SCEL: variants seen among roughly 807,000 people sequenced by gnomAD.
SCEL encodes sciellin.
Under a neutral mutation model 117.6 loss-of-function variants are expected in SCEL, and 113 were observed. The ratio of observed to expected loss-of-function variants is 0.96; its 90% CI spans 0.83 to 1.12. The LOEUF (loss-of-function observed/expected upper bound fraction) is 1.12, where lower values mean the gene tolerates loss of function less well. Among genes scored for constraint, SCEL ranks in the 50% most tolerant of loss-of-function variants. The pLI is 0.00. For synonymous variants in SCEL, 270 were observed against 256.2 expected (o/e 1.05, Z -0.51); for missense variants, 785 against 810.8 (o/e 0.97, Z 0.39).
At chr13:77,628,806 G>C (rs773644196) in intron 28 of SCEL, among the ~76,000 whole-genome samples, 1 of 152,090 alleles carries the variant, frequency 6.6e-6, no homozygotes, top group African/African-American at 2.4e-5. Context: ...GTCTCTAAAA[G>C]GTTCCTGAAT....
intron 8 of SCEL, 114 bp downstream of exon 8, chr13:77,569,565 C>A: frequency 1.5e-6 from 1 of 686,982 alleles, no homozygotes; most frequent in South Asian, 2.0e-5. Flanking sequence ...TGTTCCCAAA[C>A]TTCAGCTCTT....
chr13:77,634,270 C>A, intron 28 of SCEL, 109 bp from the exon 29 acceptor site: 2 of 929,926 alleles, frequency 2.2e-6, no homozygotes, highest in South Asian at 1.5e-5. Context: ...AGTTATAGTT[C>A]AGAAGGAACA....
intron 4 of SCEL, among the ~76,000 whole-genome samples, chr13:77,561,555 ATGTCT>A (rs1366050085): frequency 1.3e-5 from 2 of 152,174 alleles, no homozygotes; most frequent in African/African-American, 4.8e-5. Context: ...TCTGCAGAGG[ATGTCT>A]TTACCTTGAT....
chr13:77,621,069 A>G (rs1219434225), intron 27 of SCEL, among the ~76,000 whole-genome samples: 2 of 152,126 alleles, frequency 1.3e-5, no homozygotes, highest in Non-Finnish European at 2.9e-5. Flanking sequence ...AGTTCATCAT[A>G]CCCACTGGTA....
chr13:77,605,826 G>A (rs553876737), intron 19 of SCEL, among the ~76,000 whole-genome samples: 3 of 152,100 alleles, frequency 2.0e-5, no homozygotes, highest in African/African-American at 4.8e-5. Flanking sequence ...CTAACACAGC[G>A]AAACCCTGTC....
intron 27 of SCEL, among the ~76,000 whole-genome samples, chr13:77,618,806 T>C (rs2089245997): frequency 6.6e-6 from 1 of 152,202 alleles, no homozygotes; most frequent in Non-Finnish European, 1.5e-5. Flanking sequence ...TAATGGTTTA[T>C]GTGGATGTCT....
intron 4 of SCEL, among the ~76,000 whole-genome samples, chr13:77,562,028 T>C (rs2085008826): frequency 2.0e-5 from 3 of 152,212 alleles, no homozygotes; most frequent in African/African-American, 7.2e-5. Context: ...TTTGACCATG[T>C]ACATGTTCTG....
At chr13:77,555,941 C>T (rs747135720) in intron 2 of SCEL, 23 bp downstream of exon 2, 8 of 1,606,108 alleles carry the variant, frequency 5.0e-6, no homozygotes, top group Admixed American at 1.7e-5. Flanking sequence ...ATGTTTCTCT[C>T]ACTCAGAAAA....
At chr13:77,633,699 T>G (rs1379690439) in intron 28 of SCEL, among the ~76,000 whole-genome samples, 1 of 152,194 alleles carries the variant, frequency 6.6e-6, no homozygotes, top group Admixed American at 6.5e-5. Flanking sequence ...CGCAGTCAAC[T>G]GCAGAATAAA....
intron 3 of SCEL, 77 bp from the exon 4 acceptor site, chr13:77,559,727 G>A (rs568062479): frequency 5.8e-5 from 76 of 1,300,798 alleles, no homozygotes; most frequent in Non-Finnish European, 7.7e-5. Flanking sequence ...GAGCTCGCCC[G>A]CATGTCTCTC....
At chr13:77,580,244 G>T (rs1350724222) in intron 9 of SCEL, among the ~76,000 whole-genome samples, 2 of 152,228 alleles carry the variant, frequency 1.3e-5, no homozygotes, top group African/African-American at 2.4e-5. Flanking sequence ...GAAGGTCAGA[G>T]CCATGTTCCC....
At chr13:77,593,289 T>TGC (rs1567391679) in intron 11 of SCEL, among the ~76,000 whole-genome samples, 3 of 109,940 alleles carry the variant, frequency 2.7e-5, no homozygotes, top group East Asian at 7.7e-4. Context: ...TGTGTGTGTG[T>TGC]GTGTGTGTCT....
chr13:77,610,347 G>C (rs1165587620), intron 22 of SCEL, among the ~76,000 whole-genome samples: 1 of 151,776 alleles, frequency 6.6e-6, no homozygotes, highest in Non-Finnish European at 1.5e-5. Flanking sequence ...AGCTACTCGG[G>C]AGGCTGAGGC....
At chr13:77,602,933 G>A in intron 17 of SCEL, 143 bp from the exon 18 acceptor site, 1 of 629,372 alleles carries the variant, frequency 1.6e-6, no homozygotes, top group Non-Finnish European at 2.6e-6. Flanking sequence ...TTATTGATTG[G>A]CAATTTTTAT....
chr13:77,618,049 A>G lies in SCEL; in HGVS notation c.1617A>G (p.Arg539=). Residue 539 remains arginine (R), a synonymous_variant, in exon 27 of 33, where the codon AGA becomes AGG. Coordinates refer to ENST00000349847, the MANE Select transcript of SCEL (RefSeq NM_144777.3). ...TTAAAGTGAAACCTTCAGCTCTTAGAAACACTAATCGGTAAATGACCTTGA... is the reference window on the plus strand; with the variant it reads ...TTAAAGTGAAACCTTCAGCTCTTAGGAACACTAATCGGTAAATGACCTTGA... ...NLIKVKPSAL[R]NTNRDQNLEN... 6.2e-7 allele frequency: 1 copy of G among 1,612,532 alleles called. No homozygotes were observed. Among genetic ancestry groups the G allele is most frequent in the Non-Finnish European group, 8.5e-7 (1 of 1,178,604 alleles).
At chr13:77,610,023 G>C (rs1340543099) in intron 21 of SCEL, 24 bp from the exon 22 acceptor site, 5 of 1,563,888 alleles carry the variant, frequency 3.2e-6, no homozygotes, top group Non-Finnish European at 3.5e-6. Context: ...ATCTACCACT[G>C]ATCTGATTTT....
At chr13:77,609,416 AAG>A (rs539339001) in intron 21 of SCEL, among the ~76,000 whole-genome samples, 161 of 152,302 alleles carry the variant, frequency 1.1e-3, no homozygotes, top group African/African-American at 3.6e-3. Context: ...GTAGAGGGGA[AAG>A]AGAACTAGAC....
At chr13:77,631,516 T>C (rs1288650801) in intron 28 of SCEL, among the ~76,000 whole-genome samples, 1 of 152,228 alleles carries the variant, frequency 6.6e-6, no homozygotes, top group Non-Finnish European at 1.5e-5. Flanking sequence ...ATATTAATTC[T>C]GTAGGTTTGA....
chr13:77,614,707 A>C (rs550299853), intron 24 of SCEL, among the ~76,000 whole-genome samples: 100 of 152,298 alleles, frequency 6.6e-4, no homozygotes, highest in African/African-American at 2.3e-3. Flanking sequence ...CCAATGTTCC[A>C]GATGAATCTA....
Sources: gnomAD v4.1 joint callset for allele counts (sites outside exome capture counted in the v4.1 genomes callset) on GRCh38, gnomAD v4.1.1 for gene constraint, MANE v1.5 for transcripts, NCBI Gene and HGNC (gene_info 2026-07-23, HGNC 2026-07-21) for gene names.